DHDDS: variants seen among roughly 807,000 people sequenced by gnomAD.
The protein encoded by DHDDS is dehydrodolichyl diphosphate synthase complex subunit DHDDS.
Under a neutral mutation model 46.2 loss-of-function variants are expected in DHDDS, and 16 were observed. The ratio of observed to expected loss-of-function variants is 0.35; its 90% CI spans 0.23 to 0.53. DHDDS has a LOEUF of 0.53. DHDDS is among the 20% of genes least tolerant of loss of function. The pLI, the probability that DHDDS is intolerant of heterozygous loss-of-function variation, is 0.94. For missense variants in DHDDS, 340 were observed against 423.7 expected (o/e 0.80, Z 1.73); for synonymous variants, 151 against 163.1 (o/e 0.93, Z 0.56).
chr1:26,433,353 T>A (rs1398529687), intron 2 of DHDDS, among the ~76,000 whole-genome samples: 1 of 152,168 alleles, frequency 6.6e-6, no homozygotes, highest in African/African-American at 2.4e-5. Context: ...GATATATTCT[T>A]TGATCTGTCA....
intron 4 of DHDDS, among the ~76,000 whole-genome samples, chr1:26,443,300 A>G (rs2075236723): frequency 6.6e-6 from 1 of 152,200 alleles, no homozygotes; most frequent in South Asian, 2.1e-4. Flanking sequence ...CCCAGAGCCA[A>G]TAAACTATGG....
intron 8 of DHDDS, chr1:26,467,581 C>T (rs2075505187): frequency 6.6e-6 from 2 of 303,012 alleles, no homozygotes; most frequent in South Asian, 5.8e-5. Flanking sequence ...CTCACAGCTC[C>T]ATTGTGAGGG....
At chr1:26,436,401 TTTTGTTTGTTTG>T (rs57226446) in intron 2 of DHDDS, among the ~76,000 whole-genome samples, 1,915 of 147,984 alleles carry the variant, frequency 0.013, 35 homozygotes, top group African/African-American at 0.043. Flanking sequence ...TAAGACTCTG[TTTTGTTTGTTTG>T]TTTGTTTGTT....
intron 2 of DHDDS, among the ~76,000 whole-genome samples, chr1:26,434,325 T>C (rs556303113): frequency 6.6e-6 from 1 of 152,258 alleles, no homozygotes; most frequent in South Asian, 2.1e-4. Flanking sequence ...AAGCAGCAGG[T>C]AGTAATGAAT....
rs80160179 is a variant in DHDDS, at chr1:26,453,460, A to C, written c.543-4331A>C. Reference sequence around the variant, plus strand: ...ACCTTATTCTTGCCAAGATTTTTTAAATGTAAACTGTTCTGACCAGGTGCA... The same window carrying C: ...ACCTTATTCTTGCCAAGATTTTTTACATGTAAACTGTTCTGACCAGGTGCA... On this transcript the variant is annotated intron_variant, in intron 6 of 8. Coordinates refer to ENST00000236342, the MANE Select transcript of DHDDS (RefSeq NM_205861.3). Among the ~76,000 whole-genome samples, 386 of 152,256 alleles carry C rather than the reference A, an allele frequency of 2.5e-3. 9 individuals carry two copies. In the East Asian group the frequency reaches 0.066, roughly 26 times the overall value.
intron 8 of DHDDS, among the ~76,000 whole-genome samples, chr1:26,464,019 G>C (rs553127499): frequency 5.2e-3 from 520 of 100,464 alleles, no homozygotes; most frequent in Non-Finnish European, 7.7e-3. Context: ...TTTTTTTTGA[G>C]ACGGAATCTC....
chr1:26,466,858 G>A (rs2075494598), intron 8 of DHDDS, among the ~76,000 whole-genome samples: 1 of 152,182 alleles, frequency 6.6e-6, no homozygotes, highest in South Asian at 2.1e-4. Context: ...AACCCAGTGA[G>A]GTGGGTACTC....
intron 6 of DHDDS, among the ~76,000 whole-genome samples, chr1:26,449,405 T>G (rs1214232687): frequency 1.3e-5 from 2 of 151,976 alleles, no homozygotes; most frequent in African/African-American, 4.8e-5. Flanking sequence ...CTGGCCCATT[T>G]TTATTTTTAT....
intron 8 of DHDDS, chr1:26,467,279 A>T (rs1320355730): frequency 2.1e-6 from 1 of 468,020 alleles, no homozygotes; most frequent in South Asian, 1.6e-5. Flanking sequence ...CCTCAAAAAA[A>T]ATCCTGTATG....
intron 6 of DHDDS, among the ~76,000 whole-genome samples, chr1:26,448,721 T>C (rs2075292758): frequency 6.6e-6 from 1 of 152,244 alleles, no homozygotes; most frequent in Admixed American, 6.5e-5. Flanking sequence ...GATTCAAGGC[T>C]GTTGTCCATT....
In DHDDS at chr1:26,455,017, G is replaced by C; in HGVS notation, c.543-2774G>C. The C allele has an allele frequency of 2.3e-6, 3 of 1,331,672 alleles. No individual in the cohort carries two copies. The South Asian group carries it at 3.5e-5, about 16-fold the overall frequency. The allele number at this position is 1,331,672 out of a possible 1,614,324, so 82.5% of individuals were successfully genotyped here. A position where few individuals can be genotyped will look rare whatever the true frequency, so the allele number is the denominator to read the frequency against. Reference sequence around the variant, plus strand: ...CACCATTGTAACGTCGGAATGGTACGCACTGTTTCTGTAAAGTGACATCTT... The same window carrying C: ...CACCATTGTAACGTCGGAATGGTACCCACTGTTTCTGTAAAGTGACATCTT... On this transcript the variant is annotated intron_variant, in intron 6 of 8. Transcript: ENST00000236342.
rs1489971589 is a variant in DHDDS, at chr1:26,470,232, C to G, written c.*1101C>G. 1 of 152,104 alleles carries G rather than the reference C, an allele frequency of 6.6e-6. No individual in the cohort carries two copies. Among genetic ancestry groups the G allele is most frequent in the Admixed American group, 6.6e-5 (1 of 15,266 alleles). 9.4% of individuals were successfully genotyped at this position (152,104 alleles called of 1,614,324 possible). On this transcript the variant is annotated 3_prime_UTR_variant, in exon 9 of 9. Transcript: ENST00000236342. Reference sequence around the variant, plus strand: ...TGAAGAGCTGTCTGCCTGAGCAACTCTATTTCAGGTGCCCCACACCGGCAA... The same window carrying G: ...TGAAGAGCTGTCTGCCTGAGCAACTGTATTTCAGGTGCCCCACACCGGCAA...
intron 7 of DHDDS, 96 bp downstream of exon 7, chr1:26,458,001 G>C: frequency 9.4e-7 from 1 of 1,064,340 alleles, no homozygotes; most frequent in East Asian, 2.4e-5. Context: ...TCCCAAACAG[G>C]CTGGGGCCAG....
rs201092863 is a variant in DHDDS, at chr1:26,451,631, C to CTT, written c.542+3985_542+3986dup. On this transcript the variant is annotated intron_variant, in intron 6 of 8. Transcript: ENST00000236342. The stretch of plus-strand genomic sequence containing the variant: ...CCACCACACCCGGCTATTTTTTTTT[C>CTT]TTTTTTTTTTTTTTTGAGACAGAGT... Among the ~76,000 whole-genome samples, 768 of 129,972 alleles carry CTT rather than the reference C, an allele frequency of 5.9e-3. 5 individuals carry two copies. The highest frequency in any genetic ancestry group is 0.02 in the African/African-American group (700 of 35,290). 85.3% of individuals were successfully genotyped at this position (129,972 alleles called of 152,430 possible).
intron 6 of DHDDS, among the ~76,000 whole-genome samples, chr1:26,449,614 A>C (rs2075301270): frequency 6.6e-6 from 1 of 152,002 alleles, no homozygotes; most frequent in Admixed American, 6.6e-5. Context: ...GCTGGAATGC[A>C]ATGGTACAAT....
At chr1:26,455,249 G>C in intron 6 of DHDDS, 1 of 627,638 alleles carries the variant, frequency 1.6e-6, no homozygotes, top group Non-Finnish European at 2.9e-6. Context: ...AAAGATAAGA[G>C]AATGAGAAAT....
At chr1:26,461,346 A>G (rs1336061636) in intron 8 of DHDDS, among the ~76,000 whole-genome samples, 1 of 151,950 alleles carries the variant, frequency 6.6e-6, no homozygotes, top group Non-Finnish European at 1.5e-5. Flanking sequence ...GGAATTTTGC[A>G]TAGAATTGTA....
intron 6 of DHDDS, among the ~76,000 whole-genome samples, chr1:26,452,347 T>C (rs2075329723): frequency 6.6e-6 from 1 of 152,106 alleles, no homozygotes. Context: ...CTGACCGAGG[T>C]ATATATGTAT....
chr1:26,433,542 G>A (rs1040956274), intron 2 of DHDDS, among the ~76,000 whole-genome samples: 4 of 151,882 alleles, frequency 2.6e-5, no homozygotes, highest in Admixed American at 6.6e-5. Context: ...CCAGCTACTC[G>A]GAAGGCTGAA....
Sources: gnomAD v4.1 joint callset for allele counts (sites outside exome capture counted in the v4.1 genomes callset) on GRCh38, gnomAD v4.1.1 for gene constraint, MANE v1.5 for transcripts, NCBI Gene and HGNC (gene_info 2026-07-23, HGNC 2026-07-21) for gene names.